EIF2AK2: variants seen among roughly 807,000 people sequenced by gnomAD.
EIF2AK2 encodes the protein eukaryotic translation initiation factor 2 alpha kinase 2.
EIF2AK2 carries 40 observed loss-of-function variants against 70.5 expected under a neutral mutation model. That is an observed-to-expected ratio of 0.57 (90% confidence interval 0.44 to 0.74). EIF2AK2 has a LOEUF of 0.74. EIF2AK2 is among the 30% of genes least tolerant of loss of function. The probability of loss-of-function intolerance (pLI) is 0.00; values close to 1 mark genes in which losing one functional copy is unlikely to be tolerated. For missense variants in EIF2AK2, 555 were observed against 644.3 expected (o/e 0.86, Z 1.50); for synonymous variants, 198 against 220.9 (o/e 0.90, Z 0.92).
At chr2:37,126,538 T>C in intron 10 of EIF2AK2, 127 bp from the exon 11 acceptor site, 1 of 1,372,728 alleles carries the variant, frequency 7.3e-7, no homozygotes, top group Non-Finnish European at 9.7e-7. Context: ...TCTCTCCTTC[T>C]GAATAAGAAA....
chr2:37,146,850 C>T lies in EIF2AK2; in HGVS notation c.240+3G>A. 2 of 1,608,532 alleles carry T rather than the reference C, an allele frequency of 1.2e-6. No individual in the cohort carries two copies. Among genetic ancestry groups the T allele is most frequent in the South Asian group, 1.1e-5 (1 of 89,350 alleles). On this transcript the variant is annotated splice_donor_region_variant and intron_variant, in intron 4 of 16. Coordinates refer to ENST00000233057, the MANE Select transcript of EIF2AK2 (RefSeq NM_001135651.3). Reference sequence around the variant, plus strand: ...TTTATTAGGAAAAAAGGCAATCACTCACCTTCTTTTCCTTATTAAGTATCT... The same window carrying T: ...TTTATTAGGAAAAAAGGCAATCACTTACCTTCTTTTCCTTATTAAGTATCT...
chr2:37,137,126 G>A, intron 8 of EIF2AK2, 109 bp from the exon 9 acceptor site: 1 of 807,094 alleles, frequency 1.2e-6, no homozygotes, highest in Non-Finnish European at 1.9e-6. Flanking sequence ...CAATTTCTTA[G>A]TCCATCAATG....
intron 12 of EIF2AK2, 77 bp downstream of exon 12, chr2:37,122,429 T>G (rs1674588241): frequency 6.9e-7 from 1 of 1,445,318 alleles, no homozygotes; most frequent in Non-Finnish European, 9.5e-7. Flanking sequence ...ATTAATAGCC[T>G]TATCCAGTGG....
intron 10 of EIF2AK2, 72 bp from the exon 11 acceptor site, chr2:37,126,483 T>G: frequency 6.5e-7 from 1 of 1,544,786 alleles, no homozygotes; most frequent in Non-Finnish European, 8.7e-7. Context: ...CCCACTCCTT[T>G]CCCTTTAATG....
chr2:37,132,835 T>A (rs550675114), intron 10 of EIF2AK2, among the ~76,000 whole-genome samples: 1 of 152,166 alleles, frequency 6.6e-6, no homozygotes, highest in Admixed American at 6.5e-5. Context: ...GACTGGGAAA[T>A]TGATTTTACC....
At chr2:37,156,785 CCG>C (rs1219684905) in intron 1 of EIF2AK2, 121 bp downstream of exon 1, 1 of 153,328 alleles carries the variant, frequency 6.5e-6, no homozygotes, top group Non-Finnish European at 1.5e-5. Flanking sequence ...GGATCAGCGT[CCG>C]CGTCCTGAGC....
intron 4 of EIF2AK2, among the ~76,000 whole-genome samples, chr2:37,145,811 G>A (rs768312086): frequency 2.3e-5 from 3 of 127,688 alleles, no homozygotes; most frequent in Non-Finnish European, 4.7e-5. Context: ...GGAGTGCAGT[G>A]GCACAACCTC....
intron 10 of EIF2AK2, among the ~76,000 whole-genome samples, chr2:37,128,999 C>T (rs1364174925): frequency 6.6e-6 from 1 of 152,114 alleles, no homozygotes; most frequent in Non-Finnish European, 1.5e-5. Context: ...CAATTTGGAC[C>T]CAGAATCTAG....
chr2:37,143,261 G>A (rs1036779327), intron 4 of EIF2AK2, among the ~76,000 whole-genome samples: 2 of 151,400 alleles, frequency 1.3e-5, no homozygotes, highest in African/African-American at 4.8e-5. Context: ...TGGTCTGGGT[G>A]GTTCTAAATT....
rs990661072 is a variant in EIF2AK2, at chr2:37,103,137, A to G, written c.*4136T>C. ...AGAAAATATATACTCACAAATCAAA[A>G]GAAGTTGCTAAGAAATGCTATATTC... On this transcript the variant is annotated 3_prime_UTR_variant, in exon 17 of 17. Coordinates refer to ENST00000233057, the MANE Select transcript of EIF2AK2 (RefSeq NM_001135651.3). The G allele has an allele frequency of 6.6e-6, 1 of 152,114 alleles. No homozygotes were observed. The highest frequency in any genetic ancestry group is 2.4e-5 in the African/African-American group (1 of 41,430). The allele number at this position is 152,114 out of a possible 1,614,324, so 9.4% of individuals were successfully genotyped here.
chr2:37,128,278 T>C (rs1358325047), intron 10 of EIF2AK2, among the ~76,000 whole-genome samples: 1 of 152,342 alleles, frequency 6.6e-6, no homozygotes, highest in Non-Finnish European at 1.5e-5. Flanking sequence ...TCCAAACATA[T>C]TGTCTACAGC....
At chr2:37,124,124 C>T (rs1674650825) in intron 11 of EIF2AK2, among the ~76,000 whole-genome samples, 1 of 151,794 alleles carries the variant, frequency 6.6e-6, no homozygotes, top group African/African-American at 2.4e-5. Flanking sequence ...CACACCACCA[C>T]ACTTGGCTAG....
chr2:37,099,989 CAG>C lies in EIF2AK2; in HGVS notation c.*7282_*7283del, dbSNP rs779643249. On this transcript the variant is annotated 3_prime_UTR_variant, in exon 17 of 17. Coordinates refer to ENST00000233057, the MANE Select transcript of EIF2AK2 (RefSeq NM_001135651.3). ...GTGGTTACCTAGAGTTGTGAGAAAACAGAGTGAATACTAACGGGCATAGGGTT... is the reference window on the plus strand; with the variant it reads ...GTGGTTACCTAGAGTTGTGAGAAAACAGTGAATACTAACGGGCATAGGGTT... 2.0e-4 allele frequency: 31 copies of C among 152,226 alleles called. 1 individual carries two copies. The highest frequency in any genetic ancestry group is 5.3e-4 in the African/African-American group (22 of 41,524). 9.4% of individuals were successfully genotyped at this position (152,226 alleles called of 1,614,324 possible). A position where few individuals can be genotyped will look rare whatever the true frequency, so the allele number is the denominator to read the frequency against.
At chr2:37,112,890 C>T (rs1558408397) in intron 14 of EIF2AK2, among the ~76,000 whole-genome samples, 1 of 152,174 alleles carries the variant, frequency 6.6e-6, no homozygotes, top group South Asian at 2.1e-4. Context: ...CAAACAGAAG[C>T]TATACCCATT....
chr2:37,110,878 A>G (rs1367751688), intron 14 of EIF2AK2, among the ~76,000 whole-genome samples: 3 of 152,240 alleles, frequency 2.0e-5, no homozygotes, highest in Non-Finnish European at 2.9e-5. Flanking sequence ...AGCATTATTC[A>G]CCACAGTCAA....
intron 14 of EIF2AK2, among the ~76,000 whole-genome samples, chr2:37,114,504 A>G (rs1674267043): frequency 6.6e-6 from 1 of 151,914 alleles, no homozygotes; most frequent in Non-Finnish European, 1.5e-5. Flanking sequence ...ATGTTTCTGT[A>G]AAAAAAATCT....
At chr2:37,153,896 T>G (rs1675831722) in intron 1 of EIF2AK2, among the ~76,000 whole-genome samples, 1 of 152,250 alleles carries the variant, frequency 6.6e-6, no homozygotes, top group Non-Finnish European at 1.5e-5. Context: ...AATCACCAAA[T>G]TGTTTTCCAC....
chr2:37,117,283 ATC>A (rs775842646), intron 13 of EIF2AK2, among the ~76,000 whole-genome samples: 17 of 152,190 alleles, frequency 1.1e-4, no homozygotes, highest in Admixed American at 3.9e-4. Context: ...CATGCCTGTA[ATC>A]CCAACACTTT....
intron 15 of EIF2AK2, among the ~76,000 whole-genome samples, chr2:37,108,240 A>AG (rs1558405762): frequency 6.6e-6 from 1 of 151,872 alleles, no homozygotes; most frequent in Non-Finnish European, 1.5e-5. Context: ...TTTTTCCTCA[A>AG]GTTAGCCCAA....
Sources: allele counts gnomAD v4.1 joint callset (sites outside exome capture counted in the v4.1 genomes callset), GRCh38; gene constraint gnomAD v4.1.1; transcripts MANE v1.5; gene names NCBI Gene and HGNC (gene_info 2026-07-23, HGNC 2026-07-21).